The following GAS2 variants were observed in gnomAD, a reference collection of about 807,000 sequenced individuals.
GAS2 encodes growth arrest specific 2.
A neutral mutation model predicts 37.5 loss-of-function variants in GAS2; 20 were observed. The ratio of observed to expected loss-of-function variants is 0.53; its 90% CI spans 0.37 to 0.77. The LOEUF is 0.77. GAS2 is among the 30% of genes least tolerant of loss of function. GAS2 has a pLI of 0.00. For missense variants in GAS2, 336 were observed against 373.4 expected, an observed-to-expected ratio of 0.90 and a Z score of 0.82; for synonymous variants, 144 against 132.2, an observed-to-expected ratio of 1.09 and a Z score of -0.61.
intron 3 of GAS2, among the ~76,000 whole-genome samples, chr11:22,705,163 G>A (rs1192894643): frequency 3.3e-5 from 5 of 152,060 alleles, no homozygotes; most frequent in East Asian, 1.9e-4. Context: ...GTTCCTTGGT[G>A]ACCTTTCTGA....
intron 1 of GAS2, among the ~76,000 whole-genome samples, chr11:22,652,999 C>CTTTT (rs1848807533): frequency 2.9e-5 from 4 of 138,032 alleles, no homozygotes; most frequent in African/African-American, 1.1e-4. Context: ...CTTTGTCTTT[C>CTTTT]TTTCTTTCTT....
intron 7 of GAS2, among the ~76,000 whole-genome samples, chr11:22,805,133 G>A (rs1856825932): frequency 6.6e-6 from 1 of 151,918 alleles, no homozygotes; most frequent in Admixed American, 6.6e-5. Context: ...GAAAAGCATG[G>A]AATTTTAATC....
At position 22,753,080 on chromosome 11, in the gene GAS2, C is replaced by T. The variant is rs140992472; in HGVS notation, c.616-2766C>T. Among the ~76,000 whole-genome samples the T allele has an allele frequency of 9.0e-3, 1,377 of 152,156 alleles. 14 individuals carry two copies. Among genetic ancestry groups the T allele is most frequent in the South Asian group, 0.018 (88 of 4,828 alleles). On this transcript the variant is annotated intron_variant, in intron 6 of 7. Coordinates refer to ENST00000454584, the MANE Select transcript of GAS2 (RefSeq NM_001143830.3). The stretch of plus-strand genomic sequence containing the variant: ...TCATTCTTACTTTCTTCCTCTTCTC[C>T]ATCAACTTCCTCAGTCTGGGGATGA...
At chr11:22,768,725 A>G (rs1416607927) in intron 7 of GAS2, among the ~76,000 whole-genome samples, 1 of 151,974 alleles carries the variant, frequency 6.6e-6, no homozygotes, top group Non-Finnish European at 1.5e-5. Flanking sequence ...TCTAACTTTC[A>G]CTCCCAACAT....
chr11:22,755,972 C>G lies in GAS2; in HGVS notation c.723+19C>G, dbSNP rs776197900. The G allele has an allele frequency of 7.9e-6, 12 of 1,527,750 alleles. No individual in the cohort carries two copies. The highest frequency in any genetic ancestry group is 1.1e-5 in the Non-Finnish European group (12 of 1,107,430). The allele number at this position is 1,527,750 out of a possible 1,614,324, so 94.6% of individuals were successfully genotyped here. A position where few individuals can be genotyped will look rare whatever the true frequency, so the allele number is the denominator to read the frequency against. ...CATTAGGGTAAAGTTTTACTTTTCA[C>G]TTATCTTGTTTTTATGGGAAGATTC... On this transcript the variant is annotated intron_variant, in intron 7 of 7. Coordinates refer to ENST00000454584, the MANE Select transcript of GAS2 (RefSeq NM_001143830.3).
intron 1 of GAS2, among the ~76,000 whole-genome samples, chr11:22,652,005 G>A (rs952513758): frequency 1.3e-5 from 2 of 152,168 alleles, no homozygotes; most frequent in South Asian, 2.1e-4. Context: ...CTGCTTTTTA[G>A]AGTTTCCAGT....
At chr11:22,765,062 T>C (rs1417462424) in intron 7 of GAS2, among the ~76,000 whole-genome samples, 2 of 152,220 alleles carry the variant, frequency 1.3e-5, no homozygotes, top group Non-Finnish European at 2.9e-5. Context: ...AATGACGTCA[T>C]TGAAAAACTG....
At chr11:22,768,393 A>T (rs922914496) in intron 7 of GAS2, among the ~76,000 whole-genome samples, 1 of 152,194 alleles carries the variant, frequency 6.6e-6, no homozygotes, top group Admixed American at 6.5e-5. Flanking sequence ...TCATCTCCCA[A>T]TTGTAGCTTT....
intron 7 of GAS2, among the ~76,000 whole-genome samples, chr11:22,760,426 A>G (rs971006149): frequency 6.6e-6 from 1 of 152,220 alleles, no homozygotes; most frequent in South Asian, 2.1e-4. Context: ...CTGTGTTTTA[A>G]TAAGTCCTCC....
chr11:22,641,438 G>A (rs1848629206), intron 1 of GAS2, among the ~76,000 whole-genome samples: 1 of 150,726 alleles, frequency 6.6e-6, no homozygotes, highest in South Asian at 2.1e-4. Flanking sequence ...ATGTTGGTGT[G>A]CTGCACCCAT....
upstream of GAS2, among the ~76,000 whole-genome samples, chr11:22,662,890 A>AT (rs550828761): frequency 5.2e-3 from 796 of 151,896 alleles, 8 homozygotes; most frequent in African/African-American, 0.018. Flanking sequence ...GCAAAAAAAA[A>AT]AAAAATAAAA....
chr11:22,805,310 A>G (rs989082569), intron 7 of GAS2, among the ~76,000 whole-genome samples: 15 of 152,190 alleles, frequency 9.9e-5, no homozygotes, highest in African/African-American at 3.6e-4. Context: ...GCATTGTGGA[A>G]TCACTAAATA....
At chr11:22,699,637 A>C (rs1195786020) in intron 3 of GAS2, among the ~76,000 whole-genome samples, 1 of 152,152 alleles carries the variant, frequency 6.6e-6, no homozygotes, top group Non-Finnish European at 1.5e-5. Context: ...GTGTATACTC[A>C]GTAGTCATAC....
rs539209545 is a variant in GAS2 at position 22,704,256 on chromosome 11, T to C, written c.267+18467T>C. On this transcript the variant is annotated intron_variant, in intron 3 of 7. Transcript: ENST00000454584. ...GAAGCCTGTGGATCATTTCTCCTCA[T>C]GCTATTTTTAAATAAATGAAATAAA... Among the ~76,000 whole-genome samples the C allele has an allele frequency of 3.9e-5, 6 of 152,154 alleles. No individual in the cohort carries two copies. The East Asian group carries it at 1.2e-3, about 29-fold the overall frequency.
intron 3 of GAS2, among the ~76,000 whole-genome samples, chr11:22,712,846 G>A (rs1851473286): frequency 1.3e-5 from 2 of 152,062 alleles, no homozygotes; most frequent in African/African-American, 2.4e-5. Flanking sequence ...GGAGGCCAAG[G>A]CAGGTGGATC....
At chr11:22,692,910 T>G (rs1247340796) in intron 3 of GAS2, among the ~76,000 whole-genome samples, 2 of 152,094 alleles carry the variant, frequency 1.3e-5, no homozygotes, top group African/African-American at 2.4e-5. Context: ...CGAGGAACAT[T>G]TGTGTCGTGT....
intron 2 of GAS2, among the ~76,000 whole-genome samples, chr11:22,677,338 G>A (rs4366484): frequency 0.62 from 94,567 of 151,434 alleles, 30,691 homozygotes; most frequent in East Asian, 0.82. Context: ...GAAGGAGCTT[G>A]GTACATTGCA....
At chr11:22,788,815 A>G (rs1286756542) in intron 7 of GAS2, among the ~76,000 whole-genome samples, 1 of 152,166 alleles carries the variant, frequency 6.6e-6, no homozygotes, top group Admixed American at 6.6e-5. Flanking sequence ...ATCTCTATTA[A>G]TACTAAAATC....
rs564772566 is a variant in GAS2 at position 22,701,621 on chromosome 11, G to C, written c.267+15832G>C. Among the ~76,000 whole-genome samples, 11 of 152,280 alleles carry C rather than the reference G, an allele frequency of 7.2e-5. No individual in the cohort carries two copies. The East Asian group carries it at 2.1e-3, about 29-fold the overall frequency. ...AGGCAGGTGGACCACCTGAGTTCAG[G>C]AGTTCAAGACCACCCTGGCCAATAT... On this transcript the variant is annotated intron_variant, in intron 3 of 7. Coordinates refer to ENST00000454584, the MANE Select transcript of GAS2 (RefSeq NM_001143830.3).
Sources: gnomAD v4.1 joint callset for allele counts (sites outside exome capture counted in the v4.1 genomes callset) on GRCh38, gnomAD v4.1.1 for gene constraint, MANE v1.5 for transcripts, NCBI Gene and HGNC (gene_info 2026-07-23, HGNC 2026-07-21) for gene names.